RTCA: variants seen among roughly 807,000 people sequenced by gnomAD.
RTCA encodes RNA terminal phosphate cyclase domain 1.
In RTCA, 37 loss-of-function variants were observed where a neutral mutation model predicts 46.1. The observed-to-expected ratio is 0.80, with a 90% CI of 0.62 to 1.06. RTCA has a LOEUF of 1.06. RTCA is among the 50% of genes least tolerant of loss of function. RTCA has a pLI of 0.00. For synonymous variants in RTCA, 164 were observed against 158.3 expected (o/e 1.04, Z -0.27); for missense variants, 435 against 455.5 (o/e 0.95, Z 0.41).
intron 3 of RTCA, among the ~76,000 whole-genome samples, chr1:100,269,044 T>A (rs1338656174): frequency 6.8e-6 from 1 of 148,008 alleles, no homozygotes; most frequent in East Asian, 1.9e-4. Flanking sequence ...TATATATTTA[T>A]ATATATAAAT....
At chr1:100,277,136 T>C in intron 7 of RTCA, 122 bp from the exon 8 acceptor site, 1 of 865,072 alleles carries the variant, frequency 1.2e-6, no homozygotes, top group Non-Finnish European at 1.9e-6. Context: ...GAATTTTTAC[T>C]TTTGCAATTT....
intron 9 of RTCA, 115 bp downstream of exon 9, chr1:100,285,437 A>C (rs1233567496): frequency 1.5e-6 from 1 of 663,740 alleles, no homozygotes; most frequent in Non-Finnish European, 2.6e-6. Context: ...TCCTACTTCA[A>C]TAATTTAAAA....
rs1163231720 is a variant in RTCA at position 100,268,164 on chromosome 1, A to T, written c.159A>T (p.Leu53Phe). The T allele has an allele frequency of 6.2e-7, 1 of 1,614,034 alleles. No homozygotes were observed. Among genetic ancestry groups the T allele is most frequent in the African/African-American group, 1.3e-5 (1 of 74,922 alleles). The change falls in exon 3 of 11, where the codon TTA becomes TTT. Residue 53 changes from leucine (L) to phenylalanine (F), a missense_variant. Coordinates refer to ENST00000370128, the MANE Select transcript of RTCA (RefSeq NM_003729.4). ...TTATGACCTGAAGGCCTCAACATTT[A>T]TCTGGACTGGAAATGATTCGAGATT... Reference protein sequence around the residue: ...RSTPGLRPQHLSGLEMIRDLC... With the variant: ...RSTPGLRPQHFSGLEMIRDLC...
chr1:100,281,823 C>A (rs1435141663), intron 8 of RTCA, among the ~76,000 whole-genome samples: 1 of 151,808 alleles, frequency 6.6e-6, no homozygotes, highest in Non-Finnish European at 1.5e-5. Flanking sequence ...TTCAAGCAAT[C>A]CTCCCACCGC....
chr1:100,291,447 T>G lies in RTCA; in HGVS notation c.1044T>G (p.Ala348=), dbSNP rs1345138038. 6.2e-7 allele frequency: 1 copy of G among 1,612,732 alleles called. No individual in the cohort carries two copies. Among genetic ancestry groups the G allele is most frequent in the Admixed American group, 1.7e-5 (1 of 59,830 alleles). The change falls in exon 11 of 11, where the codon GCT becomes GCG. Residue 348 remains alanine, a synonymous_variant. Coordinates refer to ENST00000370128, the MANE Select transcript of RTCA (RefSeq NM_003729.4). The part of the protein sequence containing the change: ...VKKSEDEEDA[A]KDTYIIECQG... ...AATCAGAAGATGAAGAAGACGCCGC[T>G]AAAGATACTTATATTATTGAATGCC...
In RTCA at chr1:100,266,221, C is replaced by T. The variant is rs1215156198; in HGVS notation, c.-155C>T. The stretch of plus-strand genomic sequence containing the variant: ...GGTTCGTTTCTGCTGACTCCAGTGT[C>T]CCGAGAGGCGCCGCTTCTTCCGCTT... On this transcript the variant is annotated 5_prime_UTR_variant, in exon 1 of 11. Coordinates refer to ENST00000370128, the MANE Select transcript of RTCA (RefSeq NM_003729.4). 1 of 856,962 alleles carries T rather than the reference C, an allele frequency of 1.2e-6. No individual in the cohort carries two copies. Among genetic ancestry groups the T allele is most frequent in the South Asian group, 1.8e-5 (1 of 56,486 alleles). 53.1% of individuals were successfully genotyped at this position (856,962 alleles called of 1,614,324 possible). A position where few individuals can be genotyped will look rare whatever the true frequency, so the allele number is the denominator to read the frequency against.
At chr1:100,281,292 G>A (rs572632934) in intron 8 of RTCA, 8 of 533,882 alleles carry the variant, frequency 1.5e-5, no homozygotes, top group African/African-American at 7.7e-5. Context: ...AGAAAATCTC[G>A]CTGTTTTAGA....
chr1:100,290,579 A>C (rs1667289024), intron 10 of RTCA, among the ~76,000 whole-genome samples: 1 of 152,190 alleles, frequency 6.6e-6, no homozygotes, highest in Admixed American at 6.5e-5. Flanking sequence ...GAGCCTGGGC[A>C]ACAAAGTGAG....
intron 6 of RTCA, 104 bp downstream of exon 6, chr1:100,275,069 G>A (rs1405852484): frequency 1.5e-5 from 18 of 1,207,024 alleles, no homozygotes; most frequent in Non-Finnish European, 1.9e-5. Context: ...ATTTTTTTAA[G>A]GAAAGAAATA....
chr1:100,281,274 T>C, intron 8 of RTCA: 2 of 534,212 alleles, frequency 3.7e-6, no homozygotes, highest in South Asian at 2.8e-5. Context: ...GAGATTTTGT[T>C]TTGTCTGAGA....
chr1:100,271,894 A>G (rs1666118980), intron 4 of RTCA, among the ~76,000 whole-genome samples: 3 of 152,196 alleles, frequency 2.0e-5, no homozygotes, highest in Admixed American at 2.0e-4. Flanking sequence ...TTTCTGTCAT[A>G]GTTTTGCCTT....
intron 3 of RTCA, among the ~76,000 whole-genome samples, chr1:100,269,130 G>A (rs1314097800): frequency 6.6e-6 from 1 of 151,686 alleles, no homozygotes; most frequent in Non-Finnish European, 1.5e-5. Context: ...CCTTGGAGGT[G>A]GAAGGTGCAG....
intron 8 of RTCA, among the ~76,000 whole-genome samples, chr1:100,279,791 T>C (rs1666588739): frequency 6.6e-6 from 1 of 152,048 alleles, no homozygotes; most frequent in Non-Finnish European, 1.5e-5. Flanking sequence ...AAAAAAATAG[T>C]GTTCTGTGTT....
intron 2 of RTCA, chr1:100,267,646 T>C: frequency 8.9e-7 from 1 of 1,124,404 alleles, no homozygotes; most frequent in Non-Finnish European, 1.1e-6. Flanking sequence ...TCTCTGTATG[T>C]TCTAGTTTTT....
intron 8 of RTCA, chr1:100,281,160 C>G: frequency 1.9e-6 from 1 of 523,872 alleles, no homozygotes. Flanking sequence ...GTTACTATAA[C>G]CATTTTGATC....
At chr1:100,289,684 C>T (rs1667246081) in intron 10 of RTCA, among the ~76,000 whole-genome samples, 1 of 152,152 alleles carries the variant, frequency 6.6e-6, no homozygotes, top group Non-Finnish European at 1.5e-5. Context: ...TTACTTTTCA[C>T]AGTACTTTAC....
At chr1:100,273,154 TC>T (rs1011785826) in intron 4 of RTCA, among the ~76,000 whole-genome samples, 7 of 152,276 alleles carry the variant, frequency 4.6e-5, no homozygotes, top group African/African-American at 1.7e-4. Context: ...TATCCTAAGT[TC>T]CAATTTTTTT....
At chr1:100,287,893 A>G (rs774996824) in intron 10 of RTCA, among the ~76,000 whole-genome samples, 9 of 151,596 alleles carry the variant, frequency 5.9e-5, no homozygotes, top group Non-Finnish European at 1.0e-4. Context: ...TCCCAGGCTC[A>G]AGTGATTCTC....
Position 100,270,695 on chromosome 1 carries a change from TG to T in RTCA, c.414+16del. The T allele has an allele frequency of 6.2e-7, 1 of 1,612,422 alleles. No homozygotes were observed. Among genetic ancestry groups the T allele is most frequent in the East Asian group, 2.2e-5 (1 of 44,832 alleles). On this transcript the variant is annotated intron_variant, in intron 4 of 10. Transcript: ENST00000370128. ...ATACAGTGATGGTAAGGGCTTTTGT[TG>T]TTGACAAACTAAGATGATCTCATAC... is the stretch of plus-strand genomic sequence containing the variant.
Sources: gnomAD v4.1 joint callset for allele counts (sites outside exome capture counted in the v4.1 genomes callset) on GRCh38, gnomAD v4.1.1 for gene constraint, MANE v1.5 for transcripts, NCBI Gene and HGNC (gene_info 2026-07-23, HGNC 2026-07-21) for gene names.